The following GRIK1 variants were observed in gnomAD, a reference collection of about 807,000 sequenced individuals.
GRIK1 encodes glutamate ionotropic receptor kainate type subunit 1, also known as glutamate receptor ionotropic, kainate 1.
GRIK1 carries 69 observed loss-of-function variants against 105.7 expected under a neutral mutation model. The ratio of observed to expected loss-of-function variants is 0.65; its 90% CI spans 0.54 to 0.80. GRIK1 has a LOEUF of 0.80. Ranked by LOEUF, GRIK1 falls within the 30% of genes least tolerant of loss-of-function variation. The probability of loss-of-function intolerance (pLI) is 0.00; values close to 1 mark genes in which losing one functional copy is unlikely to be tolerated. For synonymous variants in GRIK1, 438 were observed against 431.3 expected (o/e 1.02, Z -0.19); for missense variants, 1,109 against 1,167.3 (o/e 0.95, Z 0.73).
chr21:29,775,993 A>G (rs1433145597), intron 1 of GRIK1, among the ~76,000 whole-genome samples: 1 of 152,222 alleles, frequency 6.6e-6, no homozygotes, highest in Non-Finnish European at 1.5e-5. Flanking sequence ...GAAACCTACA[A>G]TCATGGCGGA....
At chr21:29,669,644 G>T (rs1210051613) in intron 4 of GRIK1, among the ~76,000 whole-genome samples, 1 of 152,166 alleles carries the variant, frequency 6.6e-6, no homozygotes, top group Admixed American at 6.5e-5. Context: ...CTGTCTGAGC[G>T]TCAGTTGCCT....
chr21:29,773,200 T>C (rs1359114346), intron 1 of GRIK1, among the ~76,000 whole-genome samples: 1 of 152,222 alleles, frequency 6.6e-6, no homozygotes, highest in Non-Finnish European at 1.5e-5. Context: ...TCGTCTGCTT[T>C]GTATCAGTGT....
intron 7 of GRIK1, among the ~76,000 whole-genome samples, chr21:29,634,357 C>T (rs1185895883): frequency 6.6e-6 from 1 of 152,138 alleles, no homozygotes; most frequent in Non-Finnish European, 1.5e-5. Flanking sequence ...TTTCATATAC[C>T]TCTCAGTGAC....
In GRIK1 at chr21:29,555,141, T is replaced by C. The variant is rs756570310; in HGVS notation, c.2518A>G (p.Ile840Val). The change falls in exon 16 of 18, where the codon ATT (isoleucine) becomes GTT (valine). Residue 840 changes from isoleucine (I) to valine (V), a missense_variant. Ile to Val is a conservative substitution (Grantham distance 29, BLOSUM62 3). This residue lies in a region of GRIK1 where 161 missense variants were observed against 143.4 expected (regional missense o/e 1.12). Transcript: ENST00000327783. ...LGVENIGGIF[I>V]VLAAGLVLSV... ...AGGACCAGTCCGGCAGCCAGAACAA[T>C]GAAGATGCCTCCAATATTTTCCACT... 6.2e-6 allele frequency: 10 copies of C among 1,613,770 alleles called. No homozygotes were observed. Among genetic ancestry groups the C allele is most frequent in the African/African-American group, 1.3e-5 (1 of 74,912 alleles).
At chr21:29,931,338 C>T (rs1602079460) in intron 1 of GRIK1, among the ~76,000 whole-genome samples, 1 of 152,186 alleles carries the variant, frequency 6.6e-6, no homozygotes, top group East Asian at 1.9e-4. Flanking sequence ...CAATATTGGT[C>T]AGCTATTTTG....
In GRIK1 at chr21:29,615,725, A is replaced by G. The variant is rs74472624; in HGVS notation, c.1099-16788T>C. 2.6e-5 allele frequency among the ~76,000 whole-genome samples: 4 copies of G among 152,358 alleles called. No homozygotes were observed. In the East Asian group the frequency reaches 5.8e-4, roughly 22 times the overall value. ...CTGCTATAATTTCAGAAGATGCAAA[A>G]ATGATATACTTTAATCAGAAATTAT... On this transcript the variant is annotated intron_variant, in intron 7 of 17. Coordinates refer to ENST00000327783, the MANE Select transcript of GRIK1 (RefSeq NM_001330994.2).
At chr21:29,764,178 A>G (rs2065599316) in intron 1 of GRIK1, among the ~76,000 whole-genome samples, 1 of 152,196 alleles carries the variant, frequency 6.6e-6, no homozygotes, top group Admixed American at 6.5e-5. Context: ...AACTGGAAGA[A>G]CAAGACACTT....
At chr21:29,587,336 T>G in intron 12 of GRIK1, 30 bp downstream of exon 12, 1 of 1,380,110 alleles carries the variant, frequency 7.2e-7, no homozygotes, top group Non-Finnish European at 1.0e-6. Flanking sequence ...GACCTACACC[T>G]CTTGTGAATT....
Position 29,654,913 on chromosome 21 carries a change from A to T in GRIK1, c.727-50T>A, listed in dbSNP as rs767703469. ...GAATCAGGAACAGAATTATAATAAGAATGGGATAATTTCTAGGGTGACTGC... is the reference window on the plus strand; with the variant it reads ...GAATCAGGAACAGAATTATAATAAGTATGGGATAATTTCTAGGGTGACTGC... On this transcript the variant is annotated intron_variant, in intron 4 of 17. Transcript: ENST00000327783. The T allele has an allele frequency of 2.2e-5, 24 of 1,075,826 alleles. No individual in the cohort carries two copies. In the Admixed American group the frequency reaches 3.9e-4, roughly 17 times the overall value. 66.6% of individuals were successfully genotyped at this position (1,075,826 alleles called of 1,614,324 possible).
At chr21:29,567,819 T>C (rs1438889010) in intron 14 of GRIK1, among the ~76,000 whole-genome samples, 1 of 152,200 alleles carries the variant, frequency 6.6e-6, no homozygotes, top group Non-Finnish European at 1.5e-5. Flanking sequence ...AATAATAAAT[T>C]CTCATGCTAT....
chr21:29,652,096 C>A (rs2062750728), intron 5 of GRIK1, among the ~76,000 whole-genome samples: 1 of 152,128 alleles, frequency 6.6e-6, no homozygotes, highest in African/African-American at 2.4e-5. Flanking sequence ...GCTAAGAATT[C>A]TGTTCCCAGT....
At chr21:29,633,577 C>A (rs9974731) in intron 7 of GRIK1, among the ~76,000 whole-genome samples, 38,846 of 151,890 alleles carry the variant, frequency 0.26, 5,007 homozygotes, top group Non-Finnish European at 0.28. Flanking sequence ...AGGTGCTGTG[C>A]TATTATAATG....
intron 1 of GRIK1, among the ~76,000 whole-genome samples, chr21:29,770,275 C>T (rs751796191): frequency 1.3e-5 from 2 of 152,168 alleles, no homozygotes; most frequent in African/African-American, 2.4e-5. Flanking sequence ...GAGTTAAATG[C>T]CTGAAGGCCC....
chr21:29,869,614 C>T (rs2068942838), intron 1 of GRIK1, among the ~76,000 whole-genome samples: 2 of 152,138 alleles, frequency 1.3e-5, no homozygotes, highest in Admixed American at 6.5e-5. Context: ...AGTTTTGAGT[C>T]TGGTAGTAAA....
At chr21:29,799,333 C>T (rs1169673326) in intron 1 of GRIK1, among the ~76,000 whole-genome samples, 2 of 152,158 alleles carry the variant, frequency 1.3e-5, no homozygotes, top group Non-Finnish European at 2.9e-5. Context: ...ATGCTATTCA[C>T]GGAATGTCTC....
In GRIK1 at chr21:29,703,434, T is replaced by C. The variant is rs1305507655; in HGVS notation, c.119-9371A>G. The stretch of plus-strand genomic sequence containing the variant: ...TGATAGCTGCTCCTTAAATATACAA[T>C]ATTCTATAGCCTCTCTATTGCCACA... On this transcript the variant is annotated intron_variant, in intron 1 of 17. Transcript: ENST00000327783. 3.0e-5 allele frequency among the ~76,000 whole-genome samples: 4 copies of C among 134,936 alleles called. No homozygotes were observed. In the East Asian group the frequency reaches 8.7e-4, roughly 29 times the overall value. The allele number at this position is 134,936 out of a possible 152,430, so 88.5% of individuals were successfully genotyped here.
intron 1 of GRIK1, among the ~76,000 whole-genome samples, chr21:29,899,325 A>T (rs2070300346): frequency 1.3e-5 from 2 of 152,206 alleles, no homozygotes; most frequent in Admixed American, 1.3e-4. Context: ...ATTTCCTGAT[A>T]CACTTTTGTA....
intron 1 of GRIK1, among the ~76,000 whole-genome samples, chr21:29,846,478 A>AAAGAAAG (rs2068127311): frequency 7.5e-6 from 1 of 132,984 alleles, no homozygotes; most frequent in African/African-American, 2.5e-5. Flanking sequence ...AGAAAGAAAG[A>AAAGAAAG]AAGAAAGAAA....
Position 29,912,535 on chromosome 21 carries a change from A to G in GRIK1, c.118+26848T>C, listed in dbSNP as rs2070855228. Reference sequence around the variant, plus strand: ...CTCCAAAATAAACCTGTCTTTGACTATTGAGCCACTTTTTGGGTTTCTTTC... The same window carrying G: ...CTCCAAAATAAACCTGTCTTTGACTGTTGAGCCACTTTTTGGGTTTCTTTC... On this transcript the variant is annotated intron_variant, in intron 1 of 17. Coordinates refer to ENST00000327783, the MANE Select transcript of GRIK1 (RefSeq NM_001330994.2). Among the ~76,000 whole-genome samples, 3 of 152,210 alleles carry G rather than the reference A, an allele frequency of 2.0e-5. 1 individual carries two copies. The South Asian group carries it at 6.2e-4, about 32-fold the overall frequency.
Sources: allele counts gnomAD v4.1 joint callset (sites outside exome capture counted in the v4.1 genomes callset), GRCh38; gene constraint gnomAD v4.1.1; regional missense constraint gnomAD v4.1.1; transcripts MANE v1.5; gene names NCBI Gene and HGNC (gene_info 2026-07-23, HGNC 2026-07-21).